Variants in LRMDA observed in about 807,000 individuals in gnomAD.
LRMDA encodes the protein leucine-rich melanocyte differentiation-associated protein.
LRMDA carries 18 observed loss-of-function variants against 29.8 expected under a neutral mutation model. The ratio of observed to expected loss-of-function variants is 0.60; its 90% CI spans 0.42 to 0.90. The LOEUF is 0.90. Among genes scored for constraint, LRMDA ranks in the 40% least tolerant of loss-of-function variants. The pLI is 0.00. For synonymous variants in LRMDA, 125 were observed against 109.4 expected, an observed-to-expected ratio of 1.14 and a Z score of -0.89; for missense variants, 273 against 273.9, an observed-to-expected ratio of 1.00 and a Z score of 0.02.
intron 2 of LRMDA, among the ~76,000 whole-genome samples, chr10:75,493,348 G>GGGGTGTGTGTGTGTGTGT (rs1554894323): frequency 7.5e-6 from 1 of 133,270 alleles, no homozygotes; most frequent in African/African-American, 2.9e-5. Context: ...GTTGAGATTG[G>GGGGTGTGTGTGTGTGTGT]GTGTGTGTGT....
At chr10:75,462,572 A>G (rs1211758335) in intron 2 of LRMDA, among the ~76,000 whole-genome samples, 1 of 152,224 alleles carries the variant, frequency 6.6e-6, no homozygotes, top group Non-Finnish European at 1.5e-5. Flanking sequence ...TTACTCAGAG[A>G]GGGGATCCGG....
intron 2 of LRMDA, among the ~76,000 whole-genome samples, chr10:75,823,687 T>TGTGC (rs898544386): frequency 2.3e-4 from 3 of 13,168 alleles, no homozygotes; most frequent in African/African-American, 4.4e-4. Flanking sequence ...TAAAATGTAG[T>TGTGC]GTGTGTGTGT....
chr10:76,035,096 GTTT>G (rs397847311), intron 2 of LRMDA, among the ~76,000 whole-genome samples: 1 of 138,084 alleles, frequency 7.2e-6, no homozygotes, highest in Non-Finnish European at 1.6e-5. Context: ...CCTTTCTGCT[GTTT>G]TTTTTTTTTT....
At chr10:76,218,441 G>C (rs1272633404) in intron 5 of LRMDA, among the ~76,000 whole-genome samples, 1 of 152,196 alleles carries the variant, frequency 6.6e-6, no homozygotes, top group Non-Finnish European at 1.5e-5. Flanking sequence ...GCAATGCAGG[G>C]AGTGATTGGA....
At chr10:76,283,441 A>T (rs945670445) in intron 5 of LRMDA, among the ~76,000 whole-genome samples, 3 of 152,206 alleles carry the variant, frequency 2.0e-5, no homozygotes, top group African/African-American at 7.2e-5. Context: ...CTTGAGGGAC[A>T]GATCGGATTT....
intron 4 of LRMDA, among the ~76,000 whole-genome samples, chr10:76,049,376 T>C (rs1848493460): frequency 6.6e-6 from 1 of 152,242 alleles, no homozygotes; most frequent in South Asian, 2.1e-4. Flanking sequence ...GATGGCAAGA[T>C]GCTTGCACTC....
intron 2 of LRMDA, among the ~76,000 whole-genome samples, chr10:75,926,925 C>T (rs1003483260): frequency 2.0e-5 from 3 of 152,198 alleles, no homozygotes; most frequent in South Asian, 4.1e-4. Context: ...ACACTTGTCA[C>T]GGATCTGGGT....
intron 2 of LRMDA, among the ~76,000 whole-genome samples, chr10:75,916,446 C>G (rs1043357182): frequency 6.6e-6 from 1 of 152,024 alleles, no homozygotes; most frequent in Non-Finnish European, 1.5e-5. Flanking sequence ...TATTTCCCAG[C>G]GCCTCATTCC....
At chr10:75,964,338 G>C (rs1347037229) in intron 2 of LRMDA, among the ~76,000 whole-genome samples, 1 of 152,052 alleles carries the variant, frequency 6.6e-6, no homozygotes, top group Non-Finnish European at 1.5e-5. Flanking sequence ...CAGATTGGGG[G>C]GTCAAGGTAG....
At chr10:76,241,787 G>A (rs1006841669) in intron 5 of LRMDA, among the ~76,000 whole-genome samples, 12 of 152,254 alleles carry the variant, frequency 7.9e-5, no homozygotes, top group African/African-American at 2.6e-4. Flanking sequence ...AGACTGAAGG[G>A]TATGCCTGTA....
intron 6 of LRMDA, among the ~76,000 whole-genome samples, chr10:76,468,609 G>A (rs907856243): frequency 3.3e-5 from 5 of 152,288 alleles, no homozygotes; most frequent in South Asian, 4.1e-4. Flanking sequence ...CAGGGAGTTT[G>A]TAATTAGGCA....
rs11527435 is a variant in LRMDA, at chr10:75,519,603, C to T, written c.131+81109C>T. Reference sequence around the variant, plus strand: ...GCACTTGAGATGGGTCTCCTGAATACAGCACATTGATGGGTCTTGACTGTT... The same window carrying T: ...GCACTTGAGATGGGTCTCCTGAATATAGCACATTGATGGGTCTTGACTGTT... On this transcript the variant is annotated intron_variant, in intron 2 of 6. Transcript: ENST00000611255. 3.3e-4 allele frequency among the ~76,000 whole-genome samples: 50 copies of T among 152,268 alleles called. No homozygotes were observed. In the East Asian group the frequency reaches 8.3e-3, roughly 25 times the overall value.
At position 75,875,485 on chromosome 10, in the gene LRMDA, G is replaced by A. The variant is rs575654221; in HGVS notation, c.132-160523G>A. On this transcript the variant is annotated intron_variant, in intron 2 of 6. Coordinates refer to ENST00000611255, the MANE Select transcript of LRMDA (RefSeq NM_001305581.2). ...ATTCACTCTTGTTGCCCAGGATGGA[G>A]TGCAATGGCATGATCTTGGCTCACT... 2.0e-5 allele frequency among the ~76,000 whole-genome samples: 3 copies of A among 152,218 alleles called. No homozygotes were observed. In the East Asian group the frequency reaches 5.8e-4, roughly 29 times the overall value.
At position 76,033,507 on chromosome 10, in the gene LRMDA, C is replaced by T. The variant is rs75477552; in HGVS notation, c.132-2501C>T. On this transcript the variant is annotated intron_variant, in intron 2 of 6. Coordinates refer to ENST00000611255, the MANE Select transcript of LRMDA (RefSeq NM_001305581.2). ...TGGGCGCTTCCTTGGTGCTCCTGGG[C>T]TCTCCCCATCTTCATGCTGTGTCGT... Among the ~76,000 whole-genome samples, 1,448 of 152,180 alleles carry T rather than the reference C, an allele frequency of 9.5e-3. 21 individuals carry two copies. The highest frequency in any genetic ancestry group is 0.033 in the African/African-American group (1,383 of 41,512).
chr10:75,648,468 C>T (rs1164000144), intron 2 of LRMDA, among the ~76,000 whole-genome samples: 2 of 152,112 alleles, frequency 1.3e-5, no homozygotes, highest in African/African-American at 4.8e-5. Flanking sequence ...GCAGGGGGCT[C>T]TTATAGGAAA....
At chr10:76,528,994 C>A (rs796133474) in intron 6 of LRMDA, among the ~76,000 whole-genome samples, 6 of 152,212 alleles carry the variant, frequency 3.9e-5, no homozygotes, top group African/African-American at 9.6e-5. Context: ...GGGTAGCCGG[C>A]CTTACTTTCA....
chr10:76,219,569 T>A (rs1181431036), intron 5 of LRMDA, among the ~76,000 whole-genome samples: 1 of 152,172 alleles, frequency 6.6e-6, no homozygotes, highest in Non-Finnish European at 1.5e-5. Context: ...GAGCTAACTA[T>A]CCTAAATATA....
At chr10:75,492,183 G>A (rs983275798) in intron 2 of LRMDA, among the ~76,000 whole-genome samples, 7 of 152,232 alleles carry the variant, frequency 4.6e-5, no homozygotes, top group African/African-American at 1.4e-4. Flanking sequence ...CCTTGGCTTT[G>A]CCATTCCAGC....
chr10:76,308,261 C>A (rs918110604), intron 5 of LRMDA, among the ~76,000 whole-genome samples: 2 of 152,130 alleles, frequency 1.3e-5, no homozygotes, highest in African/African-American at 2.4e-5. Flanking sequence ...TATTATGCAA[C>A]TTTGAAATGA....
Sources: gnomAD v4.1 joint callset for allele counts (sites outside exome capture counted in the v4.1 genomes callset) on GRCh38, gnomAD v4.1.1 for gene constraint, MANE v1.5 for transcripts, NCBI Gene and HGNC (gene_info 2026-07-23, HGNC 2026-07-21) for gene names.